Variants in TMEM268 observed in about 807,000 individuals in gnomAD.
The protein encoded by TMEM268 is transmembrane protein 268, also known as transmembrane protein C9orf91.
A neutral mutation model predicts 39.1 loss-of-function variants in TMEM268; 24 were observed. The observed-to-expected ratio is 0.61, with a 90% CI of 0.44 to 0.86. The LOEUF is 0.86. TMEM268 is among the 40% of genes least tolerant of loss of function. The pLI is 0.00. For missense variants in TMEM268, 409 were observed against 428.6 expected, an observed-to-expected ratio of 0.95 and a Z score of 0.40; for synonymous variants, 176 against 173.5, an observed-to-expected ratio of 1.01 and a Z score of -0.12.
upstream of TMEM268, among the ~76,000 whole-genome samples, chr9:114,609,233 C>T (rs1845405775): frequency 6.6e-6 from 1 of 152,018 alleles, no homozygotes; most frequent in African/African-American, 2.4e-5. Context: ...ATCGCTTGAA[C>T]CCGGGAGGTG....
In TMEM268 at chr9:114,623,097, C is replaced by A. The variant is rs564493522; in HGVS notation, c.107-1253C>A. Among the ~76,000 whole-genome samples the A allele has an allele frequency of 7.8e-3, 991 of 127,480 alleles. 12 individuals are homozygous for A. The highest frequency in any genetic ancestry group is 0.039 in the Admixed American group (505 of 13,040). 83.6% of individuals were successfully genotyped at this position (127,480 alleles called of 152,430 possible). On this transcript the variant is annotated intron_variant, in intron 2 of 8. Transcript: ENST00000288502. ...AGAGAGAGACTCTGTCTCCAAAAAACAACAACAACAACAACAACAACAACA... is the reference window on the plus strand; with the variant it reads ...AGAGAGAGACTCTGTCTCCAAAAAAAAACAACAACAACAACAACAACAACA...
chr9:114,614,482 C>T (rs142343494), intron 1 of TMEM268, among the ~76,000 whole-genome samples: 2 of 152,300 alleles, frequency 1.3e-5, no homozygotes, highest in African/African-American at 4.8e-5. Flanking sequence ...ATTTTCATTT[C>T]GCATTGGGCC....
chr9:114,620,320 C>G (rs940692395), intron 2 of TMEM268, among the ~76,000 whole-genome samples: 5 of 152,180 alleles, frequency 3.3e-5, no homozygotes, highest in African/African-American at 1.2e-4. Context: ...TTTTGGCTCA[C>G]TGCAGCCTTG....
In TMEM268 at chr9:114,633,609, C is replaced by T. The variant is rs571732555; in HGVS notation, c.475-159C>T. On this transcript the variant is annotated intron_variant, in intron 5 of 8. Transcript: ENST00000288502. ...AGGCATGAGTCACTGTGACTGCCTCCACCCCCGACCATTTAATAGGGGAGG... is the reference window on the plus strand; with the variant it reads ...AGGCATGAGTCACTGTGACTGCCTCTACCCCCGACCATTTAATAGGGGAGG... 1.2e-3 allele frequency among the ~76,000 whole-genome samples: 178 copies of T among 151,868 alleles called. 2 individuals carry two copies. Among genetic ancestry groups the T allele is most frequent in the Non-Finnish European group, 2.0e-3 (133 of 68,028 alleles).
In TMEM268 at chr9:114,639,860, C is replaced by T. The variant is rs372831042; in HGVS notation, c.849+1134C>T. On this transcript the variant is annotated intron_variant, in intron 8 of 8. Transcript: ENST00000288502. ...TCAGCCTCCCAAAGTCCTAGGATTA[C>T]AGGCATGAGCCACCATGCCCGGCCT... Among the ~76,000 whole-genome samples, 410 of 150,072 alleles carry T rather than the reference C, an allele frequency of 2.7e-3. 2 individuals are homozygous for T. The highest frequency in any genetic ancestry group is 9.6e-3 in the African/African-American group (395 of 41,146).
At chr9:114,626,825 C>A in intron 3 of TMEM268, 74 bp from the exon 4 acceptor site, 1 of 1,131,068 alleles carries the variant, frequency 8.8e-7, no homozygotes, top group Non-Finnish European at 1.3e-6. Flanking sequence ...AATCCCCCTT[C>A]CACATGATAG....
chr9:114,641,194 C>T (rs1402725849), intron 8 of TMEM268, among the ~76,000 whole-genome samples: 1 of 152,044 alleles, frequency 6.6e-6, no homozygotes. Flanking sequence ...TCTCTTTAAT[C>T]CTCACTGTAA....
chr9:114,637,073 A>G lies in TMEM268; in HGVS notation c.666+3A>G, dbSNP rs1170287477. ...AAGAAATGAAGACTAGCCAAGAGGT[A>G]AGATATCTTCAGTGAAAAAACAAAA... On this transcript the variant is annotated splice_donor_region_variant and intron_variant, in intron 7 of 8. Coordinates refer to ENST00000288502, the MANE Select transcript of TMEM268 (RefSeq NM_153045.4). 1 of 1,592,238 alleles carries G rather than the reference A, an allele frequency of 6.3e-7. No individual in the cohort carries two copies. Among genetic ancestry groups the G allele is most frequent in the Non-Finnish European group, 8.6e-7 (1 of 1,160,350 alleles).
upstream of TMEM268, among the ~76,000 whole-genome samples, chr9:114,606,293 A>AT (rs993548547): frequency 6.6e-5 from 10 of 151,970 alleles, no homozygotes; most frequent in African/African-American, 2.4e-4. Flanking sequence ...AATTCAGAGG[A>AT]TTTTTTCTTC....
At chr9:114,633,948 T>A in intron 6 of TMEM268, 70 bp downstream of exon 6, 1 of 852,692 alleles carries the variant, frequency 1.2e-6, no homozygotes, top group Non-Finnish European at 1.8e-6. Flanking sequence ...AGCAGTGGCC[T>A]CATGTTCTCC....
intron 5 of TMEM268, among the ~76,000 whole-genome samples, chr9:114,630,710 T>A (rs1846357853): frequency 6.6e-6 from 1 of 152,230 alleles, no homozygotes; most frequent in Non-Finnish European, 1.5e-5. Flanking sequence ...GTACCTGGTG[T>A]AAAGTAAATG....
At chr9:114,611,206 G>C (rs1012110646), upstream of TMEM268, 8 of 152,276 alleles carry the variant, frequency 5.3e-5, no homozygotes, top group Non-Finnish European at 2.9e-5. Context: ...GTGGGGAGAC[G>C]GCGGGAACCC....
chr9:114,611,663 T>A (rs1845497699), intron 1 of TMEM268, 99 bp downstream of exon 1: 1 of 152,918 alleles, frequency 6.5e-6, no homozygotes, highest in East Asian at 1.9e-4. Flanking sequence ...GCCTCCGCCT[T>A]GGCCTGCGTT....
At chr9:114,633,534 C>T (rs1485677868) in intron 5 of TMEM268, among the ~76,000 whole-genome samples, 1 of 152,150 alleles carries the variant, frequency 6.6e-6, no homozygotes, top group Non-Finnish European at 1.5e-5. Context: ...CCTCAAACCC[C>T]TGGCTTCAAG....
chr9:114,615,881 G>A (rs867283726), intron 1 of TMEM268, among the ~76,000 whole-genome samples: 7 of 151,766 alleles, frequency 4.6e-5, no homozygotes, highest in African/African-American at 1.7e-4. Flanking sequence ...TAGGAGAGAC[G>A]GGGTTTTGCC....
Position 114,645,399 on chromosome 9 carries a change from A to G in TMEM268, c.*2086A>G, listed in dbSNP as rs1827536148. On this transcript the variant is annotated 3_prime_UTR_variant, in exon 9 of 9. Coordinates refer to ENST00000288502, the MANE Select transcript of TMEM268 (RefSeq NM_153045.4). ...GGGTCTGGTGAACAAGAAATGTAATAAACACGTGGCTTGCCATTCAAGAGA... is the reference window on the plus strand; with the variant it reads ...GGGTCTGGTGAACAAGAAATGTAATGAACACGTGGCTTGCCATTCAAGAGA... 1 of 152,368 alleles carries G rather than the reference A, an allele frequency of 6.6e-6. No homozygotes were observed. The highest frequency in any genetic ancestry group is 6.5e-5 in the Admixed American group (1 of 15,280). The allele number at this position is 152,368 out of a possible 1,614,324, so 9.4% of individuals were successfully genotyped here.
At chr9:114,605,317 A>G in the TMEM268 span, among the ~76,000 whole-genome samples, 1 of 151,736 alleles carries the variant, frequency 6.6e-6, no homozygotes, top group Non-Finnish European at 1.5e-5. Flanking sequence ...CAGCACAGGC[A>G]GGCAGCTCTA....
upstream of TMEM268, among the ~76,000 whole-genome samples, chr9:114,610,456 G>A (rs1362416806): frequency 4.6e-5 from 7 of 152,218 alleles, no homozygotes; most frequent in Admixed American, 2.0e-4. Flanking sequence ...TCTGGCCGAT[G>A]AGCGCCAAGG....
chr9:114,624,340 C>A lies in TMEM268; in HGVS notation c.107-10C>A. The A allele has an allele frequency of 6.3e-7, 1 of 1,590,834 alleles. No homozygotes were observed. The highest frequency in any genetic ancestry group is 1.1e-5 in the South Asian group (1 of 87,588). ...CACTCAGCCAGATGAAGCTTCTGGT[C>A]TGCTTCCAGAGCTCCACAATGGCCA... On this transcript the variant is annotated splice_polypyrimidine_tract_variant and intron_variant, in intron 2 of 8. Coordinates refer to ENST00000288502, the MANE Select transcript of TMEM268 (RefSeq NM_153045.4).
Sources: allele counts gnomAD v4.1 joint callset (sites outside exome capture counted in the v4.1 genomes callset), GRCh38; gene constraint gnomAD v4.1.1; transcripts MANE v1.5; gene names NCBI Gene and HGNC (gene_info 2026-07-23, HGNC 2026-07-21).